Variants in ATF1 observed in about 807,000 individuals in gnomAD.
ATF1 encodes the protein activating transcription factor 1.
A neutral mutation model predicts 34.7 loss-of-function variants in ATF1; 16 were observed. The observed-to-expected ratio is 0.46, with a 90% CI of 0.31 to 0.70. The LOEUF (loss-of-function observed/expected upper bound fraction) is 0.70, where lower values mean the gene tolerates loss of function less well. Ranked by LOEUF, ATF1 falls within the 30% of genes least tolerant of loss-of-function variation. The pLI, the probability that ATF1 is intolerant of heterozygous loss-of-function variation, is 0.05. For synonymous variants in ATF1, 105 were observed against 113.1 expected (o/e 0.93, Z 0.46); for missense variants, 255 against 321.6 (o/e 0.79, Z 1.58).
chr12:50,772,502 T>G (rs958044505), intron 1 of ATF1, among the ~76,000 whole-genome samples: 1 of 151,924 alleles, frequency 6.6e-6, no homozygotes, highest in African/African-American at 2.4e-5. Context: ...AATTTTGTAG[T>G]TTTAGTAGAG....
In ATF1 at chr12:50,774,872, C is replaced by T. The variant is rs556441465; in HGVS notation, c.-6-5268C>T. On this transcript the variant is annotated intron_variant, in intron 1 of 6. Coordinates refer to ENST00000262053, the MANE Select transcript of ATF1 (RefSeq NM_005171.5). The stretch of plus-strand genomic sequence containing the variant: ...ACGCCATTCTCCCTCCTCAGCCTCC[C>T]GAGTAGCTGGGACTACAGGCGCCCG... 5.0e-3 allele frequency among the ~76,000 whole-genome samples: 758 copies of T among 151,496 alleles called. 2 individuals are homozygous for T. Among genetic ancestry groups the T allele is most frequent in the African/African-American group, 0.018 (731 of 41,344 alleles).
chr12:50,782,601 C>T (rs960908092), intron 2 of ATF1, among the ~76,000 whole-genome samples: 9 of 145,608 alleles, frequency 6.2e-5, no homozygotes, highest in Admixed American at 2.8e-4. Flanking sequence ...CACTATGTTG[C>T]CCAGGCTGGT....
intron 1 of ATF1, among the ~76,000 whole-genome samples, chr12:50,776,456 G>A (rs979633691): frequency 6.9e-6 from 1 of 145,028 alleles, no homozygotes; most frequent in Non-Finnish European, 1.5e-5. Flanking sequence ...TCACACCACT[G>A]CACTCCAGCC....
chr12:50,782,416 C>T (rs12817702), intron 2 of ATF1, among the ~76,000 whole-genome samples: 3,772 of 151,852 alleles, frequency 0.025, 68 homozygotes, highest in Non-Finnish European at 0.037. Context: ...CCACCACGCC[C>T]GGCTAATTTT....
intron 1 of ATF1, among the ~76,000 whole-genome samples, chr12:50,778,124 A>G (rs953205641): frequency 6.6e-6 from 1 of 151,316 alleles, no homozygotes; most frequent in African/African-American, 2.4e-5. Flanking sequence ...CTATGTTGCC[A>G]GGTCTGGTCT....
intron 3 of ATF1, among the ~76,000 whole-genome samples, chr12:50,799,473 A>AAATT (rs1253720438): frequency 6.6e-6 from 1 of 152,192 alleles, no homozygotes; most frequent in African/African-American, 2.4e-5. Flanking sequence ...AAAGAGTCCA[A>AAATT]AATTACTTGG....
At chr12:50,814,487 C>CGTG (rs1565920725) in intron 6 of ATF1, 48 bp downstream of exon 6, 1 of 1,564,832 alleles carries the variant, frequency 6.4e-7, no homozygotes, top group Non-Finnish European at 8.8e-7. Flanking sequence ...TTTTACAAAT[C>CGTG]TCACAACATA....
intron 3 of ATF1, among the ~76,000 whole-genome samples, chr12:50,799,413 A>G (rs1352778775): frequency 6.6e-6 from 1 of 152,194 alleles, no homozygotes; most frequent in Non-Finnish European, 1.5e-5. Flanking sequence ...CAACAAGAAT[A>G]TAAAACATTT....
intron 3 of ATF1, among the ~76,000 whole-genome samples, chr12:50,799,402 G>A (rs1941471467): frequency 6.6e-6 from 1 of 152,042 alleles, no homozygotes; most frequent in Admixed American, 6.6e-5. Context: ...ACATGCACAT[G>A]CAACAAGAAT....
intron 6 of ATF1, 131 bp from the exon 7 acceptor site, chr12:50,819,503 CT>C (rs1228445657): frequency 4.0e-6 from 4 of 1,003,630 alleles, no homozygotes; most frequent in Non-Finnish European, 4.4e-6. Flanking sequence ...CACTTAAGAT[CT>C]ATGTATTCTC....
intron 2 of ATF1, among the ~76,000 whole-genome samples, chr12:50,781,174 C>T (rs911849578): frequency 6.6e-6 from 1 of 152,008 alleles, no homozygotes; most frequent in African/African-American, 2.4e-5. Flanking sequence ...GCTTAAAGCC[C>T]CTGATAGAAA....
At chr12:50,798,545 G>A (rs1245679073) in intron 3 of ATF1, among the ~76,000 whole-genome samples, 1 of 151,982 alleles carries the variant, frequency 6.6e-6, no homozygotes, top group Non-Finnish European at 1.5e-5. Context: ...TCCTGACCTC[G>A]TGATCTGCCC....
At chr12:50,819,165 C>T (rs1443819076) in intron 6 of ATF1, among the ~76,000 whole-genome samples, 2 of 152,186 alleles carry the variant, frequency 1.3e-5, no homozygotes, top group Non-Finnish European at 2.9e-5. Context: ...TCGCAAGAGA[C>T]TGGATACACA....
intron 3 of ATF1, among the ~76,000 whole-genome samples, chr12:50,803,369 T>C (rs901053165): frequency 9.9e-5 from 15 of 151,826 alleles, no homozygotes; most frequent in African/African-American, 3.6e-4. Flanking sequence ...GTTAAGGGAA[T>C]TGCAAATCAA....
chr12:50,788,188 T>C (rs952920683), intron 2 of ATF1: 2 of 146,940 alleles, frequency 1.4e-5, no homozygotes, highest in Admixed American at 6.7e-5. Context: ...ATAGCCAATC[T>C]TTTTTTTTTT....
intron 6 of ATF1, among the ~76,000 whole-genome samples, chr12:50,819,360 G>T (rs1044718791): frequency 6.6e-6 from 1 of 152,262 alleles, no homozygotes; most frequent in East Asian, 1.9e-4. Flanking sequence ...AAATCAAAAC[G>T]ATAGTTGCTT....
rs535454957 is a variant in ATF1, at chr12:50,793,290, G to A, written c.94-2619G>A. Among the ~76,000 whole-genome samples, 22 of 152,210 alleles carry A rather than the reference G, an allele frequency of 1.4e-4. 1 individual carries two copies. The highest frequency in any genetic ancestry group is 2.1e-4 in the Non-Finnish European group (14 of 68,020). On this transcript the variant is annotated intron_variant, in intron 2 of 6. Coordinates refer to ENST00000262053, the MANE Select transcript of ATF1 (RefSeq NM_005171.5). Reference sequence around the variant, plus strand: ...AGTTCAGTGGAAGGCTTTGGAGTAAGCTTAGGAACAGACAGTGTAGTTAAA... The same window carrying A: ...AGTTCAGTGGAAGGCTTTGGAGTAAACTTAGGAACAGACAGTGTAGTTAAA...
intron 2 of ATF1, among the ~76,000 whole-genome samples, chr12:50,786,587 GA>G (rs928287460): frequency 6.6e-6 from 1 of 151,642 alleles, no homozygotes. Context: ...TTTTCCTTTG[GA>G]AAAAAAGGCT....
At chr12:50,816,274 G>A (rs922336683) in intron 6 of ATF1, among the ~76,000 whole-genome samples, 2 of 151,874 alleles carry the variant, frequency 1.3e-5, no homozygotes, top group Admixed American at 6.6e-5. Context: ...CAGCATGATC[G>A]CACCACTGCA....
Sources: allele counts gnomAD v4.1 joint callset (sites outside exome capture counted in the v4.1 genomes callset), GRCh38; gene constraint gnomAD v4.1.1; transcripts MANE v1.5; gene names NCBI Gene and HGNC (gene_info 2026-07-23, HGNC 2026-07-21).